ZNF678: variants seen among roughly 807,000 people sequenced by gnomAD.
ZNF678 encodes the protein hypothetical protein MGC42493.
In ZNF678, 5 loss-of-function variants were observed where a neutral mutation model predicts 3.0. The observed-to-expected ratio is 1.69, with a 90% CI of 0.88 to 3.56. The LOEUF (loss-of-function observed/expected upper bound fraction) is 3.56. ZNF678 is among the 30% of genes most tolerant of loss of function. The pLI is 0.00. For synonymous variants in ZNF678, 218 were observed against 199.6 expected (o/e 1.09, Z -0.78); for missense variants, 593 against 605.0 (o/e 0.98, Z 0.21).
At chr1:227,572,413 G>GCC (rs1656871242) in intron 1 of ZNF678, among the ~76,000 whole-genome samples, 1 of 152,236 alleles carries the variant, frequency 6.6e-6, no homozygotes, top group Non-Finnish European at 1.5e-5. Flanking sequence ...GATTGGGAAT[G>GCC]CTTGGCCAGT....
intron 3 of ZNF678, among the ~76,000 whole-genome samples, chr1:227,652,433 T>C (rs901379290): frequency 1.3e-5 from 2 of 152,166 alleles, no homozygotes; most frequent in African/African-American, 4.8e-5. Context: ...TGGGATGTTT[T>C]GTTGATGAAT....
At chr1:227,637,177 G>A (rs1284235196) in intron 1 of ZNF678, among the ~76,000 whole-genome samples, 2 of 152,184 alleles carry the variant, frequency 1.3e-5, no homozygotes, top group African/African-American at 2.4e-5. Flanking sequence ...TATAAGTAAG[G>A]TTTGAACAGT....
intron 1 of ZNF678, among the ~76,000 whole-genome samples, chr1:227,635,515 T>TGTGTGTGTGTGTG (rs1658652959): frequency 7.8e-6 from 1 of 127,936 alleles, no homozygotes; most frequent in Non-Finnish European, 1.6e-5. Context: ...GGGTGAACAT[T>TGTGTGTGTGTGTG]TGTGTGTGTG....
chr1:227,577,248 A>G (rs372702538), intron 1 of ZNF678, among the ~76,000 whole-genome samples: 10 of 152,194 alleles, frequency 6.6e-5, no homozygotes, highest in South Asian at 2.1e-4. Context: ...GTGGATATCT[A>G]TCAGGTCCAT....
chr1:227,610,349 A>T (rs1483172913), intron 1 of ZNF678, among the ~76,000 whole-genome samples: 1 of 152,214 alleles, frequency 6.6e-6, no homozygotes, highest in African/African-American at 2.4e-5. Flanking sequence ...ACAAAAACCT[A>T]CATATATAGT....
intron 1 of ZNF678, among the ~76,000 whole-genome samples, chr1:227,621,118 T>G (rs1253885134): frequency 6.6e-6 from 1 of 152,178 alleles, no homozygotes; most frequent in Non-Finnish European, 1.5e-5. Flanking sequence ...TAGTGGTATG[T>G]GCCCGTAGTC....
At chr1:227,604,271 G>A (rs1443293940) in intron 1 of ZNF678, among the ~76,000 whole-genome samples, 1 of 152,186 alleles carries the variant, frequency 6.6e-6, no homozygotes, top group Non-Finnish European at 1.5e-5. Flanking sequence ...TTGTAAAGCG[G>A]CTGTGCTGTT....
At chr1:227,577,650 CT>C (rs1332272295) in intron 1 of ZNF678, among the ~76,000 whole-genome samples, 14 of 152,236 alleles carry the variant, frequency 9.2e-5, no homozygotes, top group Non-Finnish European at 1.8e-4. Context: ...AGATGGGTCT[CT>C]TGAAGACAGC....
chr1:227,655,562 T>C lies in ZNF678; in HGVS notation c.1312T>C (p.Cys438Arg), dbSNP rs1659220334. The part of the protein sequence containing the change: ...TGEKPYKCKE[C>R]GKAFYQSSIL... ...AGAGAAACCCTACAAATGTAAAGAA[T>C]GTGGCAAAGCTTTTTACCAATCCTC... is the stretch of plus-strand genomic sequence containing the variant. Residue 438 changes from cysteine (C) to arginine (R), a missense_variant, in exon 4 of 4, where the codon TGT becomes CGT. Transcript: ENST00000343776. The C allele has an allele frequency of 3.7e-6, 6 of 1,612,602 alleles. No homozygotes were observed. Among genetic ancestry groups the C allele is most frequent in the Non-Finnish European group, 5.1e-6 (6 of 1,179,304 alleles).
intron 1 of ZNF678, among the ~76,000 whole-genome samples, chr1:227,595,137 A>C (rs1296228308): frequency 6.8e-6 from 1 of 146,256 alleles, no homozygotes; most frequent in African/African-American, 2.6e-5. Context: ...CTTTGCTTTT[A>C]AAGGAATAAG....
chr1:227,647,134 G>A (rs1349634998), intron 2 of ZNF678, among the ~76,000 whole-genome samples: 1 of 152,156 alleles, frequency 6.6e-6, no homozygotes, highest in Non-Finnish European at 1.5e-5. Context: ...GCATGTGCCT[G>A]TAATCCCAGC....
chr1:227,567,893 A>G (rs1160264178), intron 1 of ZNF678, among the ~76,000 whole-genome samples: 1 of 152,138 alleles, frequency 6.6e-6, no homozygotes, highest in African/African-American at 2.4e-5. Context: ...AAAAATACCA[A>G]CTATATCTGC....
chr1:227,627,852 C>G (rs78176468), intron 1 of ZNF678, among the ~76,000 whole-genome samples: 32,013 of 152,174 alleles, frequency 0.21, 3,822 homozygotes, highest in East Asian at 0.44. Context: ...CATCAGTATA[C>G]AAGTTGAGCT....
At chr1:227,639,539 T>C (rs1317311267) in intron 1 of ZNF678, among the ~76,000 whole-genome samples, 2 of 152,206 alleles carry the variant, frequency 1.3e-5, no homozygotes, top group Non-Finnish European at 2.9e-5. Context: ...GTATATTTTC[T>C]CATGGCTTCA....
intron 1 of ZNF678, among the ~76,000 whole-genome samples, chr1:227,568,427 C>T (rs1016024840): frequency 1.3e-5 from 2 of 151,984 alleles, no homozygotes; most frequent in African/African-American, 4.8e-5. Context: ...GGAGCATCAT[C>T]TAAGTCAAAA....
intron 1 of ZNF678, among the ~76,000 whole-genome samples, chr1:227,570,876 ATATAT>A (rs1168632504): frequency 2.6e-5 from 4 of 152,164 alleles, no homozygotes; most frequent in African/African-American, 7.2e-5. Context: ...GGTACTCTAT[ATATAT>A]TATAATATTC....
At chr1:227,617,415 C>T (rs141494980) in intron 1 of ZNF678, among the ~76,000 whole-genome samples, 1 of 152,292 alleles carries the variant, frequency 6.6e-6, no homozygotes, top group Non-Finnish European at 1.5e-5. Flanking sequence ...GTACCTATAC[C>T]GTCATGGGGA....
intron 1 of ZNF678, among the ~76,000 whole-genome samples, chr1:227,645,548 CTT>C (rs1274128399): frequency 1.3e-5 from 2 of 152,130 alleles, no homozygotes; most frequent in African/African-American, 2.4e-5. Context: ...CATAAGCAAT[CTT>C]TACTATAAAT....
At chr1:227,568,218 C>G (rs1222092365) in intron 1 of ZNF678, among the ~76,000 whole-genome samples, 1 of 152,150 alleles carries the variant, frequency 6.6e-6, no homozygotes, top group Non-Finnish European at 1.5e-5. Flanking sequence ...GATGACCCTA[C>G]TGCTCAGGGT....
Sources: gnomAD v4.1 joint callset for allele counts (sites outside exome capture counted in the v4.1 genomes callset) on GRCh38, gnomAD v4.1.1 for gene constraint, MANE v1.5 for transcripts, NCBI Gene and HGNC (gene_info 2026-07-23, HGNC 2026-07-21) for gene names.